The following PLCXD3 variants were observed in gnomAD, a reference collection of about 807,000 sequenced individuals.
PLCXD3 encodes the protein phosphatidylinositol specific phospholipase C X domain containing 3.
Under a neutral mutation model 25.5 loss-of-function variants are expected in PLCXD3, and 19 were observed. That is an observed-to-expected ratio of 0.75 (90% confidence interval 0.52 to 1.09). The LOEUF (loss-of-function observed/expected upper bound fraction) is 1.09. Ranked by LOEUF, PLCXD3 falls within the 50% of genes least tolerant of loss-of-function variation. The probability of loss-of-function intolerance (pLI) is 0.00; values close to 1 mark genes in which losing one functional copy is unlikely to be tolerated. For synonymous variants in PLCXD3, 174 were observed against 137.6 expected (o/e 1.26, Z -1.85); for missense variants, 411 against 388.1 (o/e 1.06, Z -0.50).
Position 41,382,007 on chromosome 5 carries a change from T to C in PLCXD3, c.631A>G (p.Met211Val). ...LEVPFLWPGQ[M>V]MPAPWANTTD... ...GTGTTGGCCCAGGGTGCTGGCATCA[T>C]CTGCCCAGGCCAGAGAAAGGGCACT... The change falls in exon 2 of 3, where the codon ATG becomes GTG. Residue 211 changes from methionine to valine, a missense_variant. By Grantham distance (21) the Met-to-Val change is conservative. Transcript: ENST00000377801. 4 of 1,613,532 alleles carry C rather than the reference T, an allele frequency of 2.5e-6. No individual in the cohort carries two copies. Among genetic ancestry groups the C allele is most frequent in the Non-Finnish European group, 2.5e-6 (3 of 1,179,738 alleles).
intron 1 of PLCXD3, among the ~76,000 whole-genome samples, chr5:41,494,127 C>A (rs1340170077): frequency 6.6e-6 from 1 of 152,238 alleles, no homozygotes; most frequent in Non-Finnish European, 1.5e-5. Context: ...AAGACAGGGT[C>A]TTGCTCTAAT....
chr5:41,481,670 C>G (rs1221854169), intron 1 of PLCXD3, among the ~76,000 whole-genome samples: 1 of 152,202 alleles, frequency 6.6e-6, no homozygotes, highest in East Asian at 1.9e-4. Flanking sequence ...TGATATGATT[C>G]AAGTAACTGC....
intron 1 of PLCXD3, among the ~76,000 whole-genome samples, chr5:41,501,317 A>G (rs781573398): frequency 2.6e-5 from 4 of 152,064 alleles, no homozygotes; most frequent in Non-Finnish European, 4.4e-5. Flanking sequence ...GAATGGATTA[A>G]TAAATATGGT....
intron 1 of PLCXD3, among the ~76,000 whole-genome samples, chr5:41,485,075 G>A (rs548792174): frequency 6.6e-6 from 1 of 152,244 alleles, no homozygotes; most frequent in South Asian, 2.1e-4. Context: ...CATTCATTGA[G>A]AACTTAGTAG....
intron 2 of PLCXD3, among the ~76,000 whole-genome samples, chr5:41,347,328 C>G (rs1744329880): frequency 6.6e-6 from 1 of 152,164 alleles, no homozygotes; most frequent in African/African-American, 2.4e-5. Context: ...AAAATGATTT[C>G]TGGTTCACTA....
chr5:41,382,812 A>G (rs1379965213), intron 1 of PLCXD3, among the ~76,000 whole-genome samples: 1 of 152,120 alleles, frequency 6.6e-6, no homozygotes, highest in Non-Finnish European at 1.5e-5. Context: ...TGAACCAAGA[A>G]TGTAATACAC....
intron 1 of PLCXD3, among the ~76,000 whole-genome samples, chr5:41,387,379 A>T (rs1745671648): frequency 2.6e-5 from 4 of 152,150 alleles, no homozygotes; most frequent in Admixed American, 2.0e-4. Context: ...GCTGTGAGAA[A>T]ATTTGTATTG....
intron 1 of PLCXD3, among the ~76,000 whole-genome samples, chr5:41,447,533 G>GCC (rs1747532387): frequency 6.6e-6 from 1 of 152,148 alleles, no homozygotes; most frequent in South Asian, 2.1e-4. Flanking sequence ...ACACTCACAG[G>GCC]CCCTGTTTGA....
chr5:41,323,426 C>G (rs139575153), intron 2 of PLCXD3, among the ~76,000 whole-genome samples: 1 of 152,146 alleles, frequency 6.6e-6, no homozygotes, highest in East Asian at 1.9e-4. Context: ...CCATTCTTCA[C>G]AGTAAGCTTA....
chr5:41,470,170 G>C (rs982688712), intron 1 of PLCXD3, among the ~76,000 whole-genome samples: 4 of 152,112 alleles, frequency 2.6e-5, no homozygotes, highest in Admixed American at 2.6e-4. Flanking sequence ...CCCAAACAAA[G>C]GGGGGTGGCA....
chr5:41,458,362 A>C (rs1014091732), intron 1 of PLCXD3, among the ~76,000 whole-genome samples: 8 of 151,968 alleles, frequency 5.3e-5, no homozygotes, highest in African/African-American at 1.7e-4. Flanking sequence ...TGGAAAATAA[A>C]ACCAGAATTA....
intron 2 of PLCXD3, among the ~76,000 whole-genome samples, chr5:41,379,567 A>C (rs1745393993): frequency 6.6e-6 from 1 of 152,088 alleles, no homozygotes; most frequent in Admixed American, 6.6e-5. Context: ...GTAAAGGAGA[A>C]GATTCAGTCA....
At chr5:41,365,922 T>C (rs1289753951) in intron 2 of PLCXD3, among the ~76,000 whole-genome samples, 3 of 30,702 alleles carry the variant, frequency 9.8e-5, no homozygotes, top group Non-Finnish European at 2.5e-4. Context: ...TTTATTTATT[T>C]ATTTATTTAT....
At chr5:41,366,008 A>G (rs1744926458) in intron 2 of PLCXD3, among the ~76,000 whole-genome samples, 1 of 151,962 alleles carries the variant, frequency 6.6e-6, no homozygotes, top group African/African-American at 2.4e-5. Context: ...TTTGTTACAT[A>G]TGTATACATG....
chr5:41,402,802 C>A (rs1344695802), intron 1 of PLCXD3, among the ~76,000 whole-genome samples: 1 of 101,100 alleles, frequency 9.9e-6, no homozygotes, highest in East Asian at 2.7e-4. Context: ...TGAAAAGTTT[C>A]TTTTTATCAT....
At chr5:41,458,955 G>A (rs1188057516) in intron 1 of PLCXD3, among the ~76,000 whole-genome samples, 3 of 151,802 alleles carry the variant, frequency 2.0e-5, no homozygotes, top group Non-Finnish European at 4.4e-5. Context: ...TTTTCTTAGA[G>A]TATCTATTCC....
intron 2 of PLCXD3, among the ~76,000 whole-genome samples, chr5:41,337,121 G>T (rs771840115): frequency 6.6e-6 from 1 of 152,044 alleles, no homozygotes; most frequent in East Asian, 1.9e-4. Context: ...AGTGTGTTTT[G>T]TGGTGGTCAA....
chr5:41,375,409 C>T (rs78582826), intron 2 of PLCXD3, among the ~76,000 whole-genome samples: 47 of 152,208 alleles, frequency 3.1e-4, no homozygotes, highest in African/African-American at 1.0e-3. Context: ...GGTGTCTCTT[C>T]TTTTGACTGG....
chr5:41,447,747 T>C (rs181887767), intron 1 of PLCXD3, among the ~76,000 whole-genome samples: 2 of 152,338 alleles, frequency 1.3e-5, no homozygotes, highest in East Asian at 3.9e-4. Flanking sequence ...ATGGATAATA[T>C]GTTGGCATAA....
Sources: gnomAD v4.1 joint callset for allele counts (sites outside exome capture counted in the v4.1 genomes callset) on GRCh38, gnomAD v4.1.1 for gene constraint, MANE v1.5 for transcripts, NCBI Gene and HGNC (gene_info 2026-07-23, HGNC 2026-07-21) for gene names.